The following TRPC5 variants were observed in gnomAD, a reference collection of about 807,000 sequenced individuals.
The protein encoded by TRPC5 is short transient receptor potential channel 5.
A neutral mutation model predicts 56.5 loss-of-function variants in TRPC5; 9 were observed. The ratio of observed to expected loss-of-function variants is 0.16; its 90% confidence interval spans 0.10 to 0.28. The LOEUF is 0.28. Ranked by LOEUF, TRPC5 falls within the 10% of genes least tolerant of loss-of-function variation. The pLI is 1.00. For synonymous variants in TRPC5, 282 were observed against 278.5 expected (o/e 1.01, Z -0.13); for missense variants, 469 against 748.9 (o/e 0.63, Z 4.36).
At chrX:111,846,974 G>A (rs1343567422) in intron 6 of TRPC5, 140 bp downstream of exon 6, 29 of 644,818 alleles carry the variant, frequency 4.5e-5, no homozygotes, top group Non-Finnish European at 5.8e-5. Flanking sequence ...CTGACCCTTC[G>A]GGTGGATCCA....
At chrX:111,961,682 T>A (rs1025231512) in intron 1 of TRPC5, among the ~76,000 whole-genome samples, 1 of 112,273 alleles carries the variant, frequency 8.9e-6, no homozygotes, top group African/African-American at 3.2e-5. Flanking sequence ...GATCTTCACA[T>A]ATATCCAGGT....
intron 7 of TRPC5, among the ~76,000 whole-genome samples, chrX:111,832,748 C>T (rs1046923011): frequency 6.3e-5 from 7 of 111,321 alleles, no homozygotes; most frequent in Non-Finnish European, 1.1e-4. Context: ...TTGGCTCCCT[C>T]CCAAGCCAAT....
chrX:112,003,427 G>T (rs1421530206), intron 1 of TRPC5, among the ~76,000 whole-genome samples: 1 of 110,960 alleles, frequency 9.0e-6, no homozygotes, highest in African/African-American at 3.3e-5. Flanking sequence ...TGTCCAAGGT[G>T]CTGTGGAGGA....
chrX:112,023,834 C>T (rs1222435538), intron 1 of TRPC5, among the ~76,000 whole-genome samples: 2 of 111,360 alleles, frequency 1.8e-5, no homozygotes, highest in Non-Finnish European at 3.8e-5. Context: ...ATATTTGCTA[C>T]TCCAAACTCT....
At chrX:111,852,580 C>T in intron 4 of TRPC5, 143 bp from the exon 5 acceptor site, 1 of 667,926 alleles carries the variant, frequency 1.5e-6, no homozygotes, top group East Asian at 4.0e-5. Context: ...AGACAATAAT[C>T]ACTTGCTTTC....
chrX:111,957,555 C>T (rs144395487), intron 1 of TRPC5, among the ~76,000 whole-genome samples: 102 of 111,663 alleles, frequency 9.1e-4, no homozygotes, highest in African/African-American at 2.9e-3. Context: ...TTTAAGGTCA[C>T]GCAGCTAGTA....
intron 1 of TRPC5, among the ~76,000 whole-genome samples, chrX:112,008,318 G>A (rs889795286): frequency 1.8e-5 from 2 of 111,924 alleles, no homozygotes; most frequent in African/African-American, 6.5e-5. Context: ...ATGGCTGGGC[G>A]CGGTGGCTCA....
At chrX:111,963,110 C>T (rs868517500) in intron 1 of TRPC5, among the ~76,000 whole-genome samples, 2 of 112,066 alleles carry the variant, frequency 1.8e-5, no homozygotes, top group East Asian at 2.8e-4. Flanking sequence ...CCTGGAAAAT[C>T]GGGTCACTCC....
intron 3 of TRPC5, among the ~76,000 whole-genome samples, chrX:111,906,844 A>T (rs1395733898): frequency 9.0e-6 from 1 of 111,566 alleles, no homozygotes; most frequent in Non-Finnish European, 1.9e-5. Context: ...GTCATCAGGT[A>T]TGGCACTAGA....
At chrX:111,869,796 A>G (rs1237514767) in intron 3 of TRPC5, among the ~76,000 whole-genome samples, 2 of 111,198 alleles carry the variant, frequency 1.8e-5, no homozygotes, top group African/African-American at 6.5e-5. Context: ...TGCCTACTAC[A>G]GAGGAGAGTT....
intron 1 of TRPC5, among the ~76,000 whole-genome samples, chrX:112,022,371 C>G (rs1929293628): frequency 8.9e-6 from 1 of 111,806 alleles, no homozygotes; most frequent in African/African-American, 3.3e-5. Flanking sequence ...GCCAGAAGTC[C>G]TAGTTATCAG....
chrX:112,063,065 T>G (rs1387037476), intron 1 of TRPC5, among the ~76,000 whole-genome samples: 2 of 112,071 alleles, frequency 1.8e-5, no homozygotes, highest in African/African-American at 6.5e-5. Flanking sequence ...CCCATGAGAC[T>G]GAGGAATAGT....
chrX:111,907,454 G>A (rs1230003908), intron 3 of TRPC5, among the ~76,000 whole-genome samples: 4 of 109,642 alleles, frequency 3.6e-5, no homozygotes, highest in African/African-American at 1.3e-4. Context: ...GGTAAAACCT[G>A]TCTCTACTAA....
chrX:111,990,748 G>C (rs1289034622), intron 1 of TRPC5, among the ~76,000 whole-genome samples: 3 of 111,828 alleles, frequency 2.7e-5, no homozygotes, highest in African/African-American at 6.5e-5. Flanking sequence ...GGCATCAGTG[G>C]AGGATCAGAA....
Position 111,776,250 on chromosome X carries a change from C to G in TRPC5, c.*63G>C, listed in dbSNP as rs1603022422. Reference sequence around the variant, plus strand: ...AGTGAGGGAATCATATTCTGTGTCACCTCTGAGAGCAAGGAAATTACAGAT... The same window carrying G: ...AGTGAGGGAATCATATTCTGTGTCAGCTCTGAGAGCAAGGAAATTACAGAT... On this transcript the variant is annotated 3_prime_UTR_variant, in exon 11 of 11. Coordinates refer to ENST00000262839, the MANE Select transcript of TRPC5 (RefSeq NM_012471.3). 1 of 1,061,315 alleles carries G rather than the reference C, an allele frequency of 9.4e-7. No homozygotes were observed. The highest frequency in any genetic ancestry group is 3.1e-5 in the East Asian group (1 of 32,624). 87.5% of individuals were successfully genotyped at this position (1,061,315 alleles called of 1,213,427 possible).
intron 2 of TRPC5, among the ~76,000 whole-genome samples, chrX:111,940,223 A>T (rs1321971240): frequency 3.7e-5 from 4 of 106,700 alleles, no homozygotes; most frequent in Admixed American, 2.0e-4. Context: ...TAGTTTCCAG[A>T]ATACCTCGTT....
At chrX:112,046,307 C>T (rs1191942721) in intron 1 of TRPC5, among the ~76,000 whole-genome samples, 1 of 107,483 alleles carries the variant, frequency 9.3e-6, no homozygotes, top group Non-Finnish European at 1.9e-5. Context: ...GACCCCTTCT[C>T]TAGATAGCTT....
At chrX:111,888,019 A>C (rs1471877699) in intron 3 of TRPC5, among the ~76,000 whole-genome samples, 1 of 111,903 alleles carries the variant, frequency 8.9e-6, no homozygotes, top group Non-Finnish European at 1.9e-5. Flanking sequence ...TAAAATTTAC[A>C]AAGGTGGTAA....
intron 1 of TRPC5, among the ~76,000 whole-genome samples, chrX:112,035,634 T>A (rs1032728517): frequency 2.7e-5 from 3 of 109,630 alleles, no homozygotes; most frequent in African/African-American, 1.0e-4. Flanking sequence ...TATTTTATTT[T>A]ATTTATTTAT....
Sources: allele counts gnomAD v4.1 joint callset (sites outside exome capture counted in the v4.1 genomes callset), GRCh38; gene constraint gnomAD v4.1.1; transcripts MANE v1.5; gene names NCBI Gene and HGNC (gene_info 2026-07-23, HGNC 2026-07-21).